FAM20A: variants seen among roughly 807,000 people sequenced by gnomAD.
FAM20A encodes the protein pseudokinase FAM20A.
FAM20A carries 42 observed loss-of-function variants against 52.0 expected under a neutral mutation model. The observed-to-expected ratio is 0.81, with a 90% CI of 0.63 to 1.04. The LOEUF is 1.04. Ranked by LOEUF, FAM20A falls within the 50% of genes least tolerant of loss-of-function variation. FAM20A has a pLI of 0.00. For synonymous variants in FAM20A, 304 were observed against 298.9 expected (o/e 1.02, Z -0.18); for missense variants, 742 against 712.7 (o/e 1.04, Z -0.47).
intron 1 of FAM20A, among the ~76,000 whole-genome samples, chr17:68,581,567 CTCTT>C (rs962757917): frequency 2.5e-5 from 3 of 122,428 alleles, no homozygotes; most frequent in East Asian, 2.4e-4. Context: ...TCCTCTCTCT[CTCTT>C]TCTTTTTTCC....
intron 3 of FAM20A, among the ~76,000 whole-genome samples, chr17:68,552,189 T>C (rs1392911092): frequency 1.3e-5 from 2 of 152,012 alleles, no homozygotes; most frequent in African/African-American, 4.8e-5. Flanking sequence ...GGAGGATCGC[T>C]TGAGCCCAGG....
intron 1 of FAM20A, among the ~76,000 whole-genome samples, chr17:68,597,284 T>C (rs2088480329): frequency 6.6e-6 from 1 of 151,982 alleles, no homozygotes; most frequent in African/African-American, 2.4e-5. Context: ...AGAACACTGA[T>C]TTGGCTTATT....
chr17:68,546,829 CAAA>C (rs35112614), intron 4 of FAM20A, among the ~76,000 whole-genome samples: 3 of 84,008 alleles, frequency 3.6e-5, no homozygotes, highest in South Asian at 4.1e-4. Context: ...GACTACGGCT[CAAA>C]AAAAAAAAAA....
intron 1 of FAM20A, among the ~76,000 whole-genome samples, chr17:68,591,244 G>C (rs972086178): frequency 6.6e-6 from 1 of 152,092 alleles, no homozygotes; most frequent in Non-Finnish European, 1.5e-5. Context: ...GTAGCTGGGC[G>C]CCCGCCGCCA....
intron 1 of FAM20A, among the ~76,000 whole-genome samples, chr17:68,573,664 TTTTC>T (rs780002806): frequency 9.9e-5 from 15 of 151,256 alleles, no homozygotes; most frequent in African/African-American, 1.7e-4. Context: ...TCTTCCTTTC[TTTTC>T]TTTCTTTCTT....
intron 4 of FAM20A, chr17:68,551,308 G>T: frequency 2.4e-6 from 1 of 419,418 alleles, no homozygotes; most frequent in Non-Finnish European, 4.1e-6. Flanking sequence ...ATAAATTAAT[G>T]TAAACATGTA....
intron 4 of FAM20A, among the ~76,000 whole-genome samples, chr17:68,549,160 T>A (rs1159311730): frequency 6.6e-6 from 1 of 152,036 alleles, no homozygotes; most frequent in Non-Finnish European, 1.5e-5. Flanking sequence ...GAACTGAGAG[T>A]GGAGCTCATC....
intron 3 of FAM20A, among the ~76,000 whole-genome samples, chr17:68,552,630 A>G (rs2086886558): frequency 6.6e-6 from 1 of 151,820 alleles, no homozygotes; most frequent in Admixed American, 6.6e-5. Flanking sequence ...TAACTGAAGA[A>G]AAGGGAAGCC....
At chr17:68,545,742 C>T (rs1305069118) in intron 4 of FAM20A, among the ~76,000 whole-genome samples, 2 of 152,192 alleles carry the variant, frequency 1.3e-5, no homozygotes, top group Admixed American at 6.5e-5. Flanking sequence ...CCTCTCAAAC[C>T]CTGCTGCTGC....
At chr17:68,579,924 T>C (rs1257137130) in intron 1 of FAM20A, among the ~76,000 whole-genome samples, 1 of 152,192 alleles carries the variant, frequency 6.6e-6, no homozygotes, top group Non-Finnish European at 1.5e-5. Context: ...AAGTGGACTT[T>C]GGTGAGCAGA....
chr17:68,597,927 G>A (rs1253626872), intron 1 of FAM20A: 2 of 151,644 alleles, frequency 1.3e-5, no homozygotes, highest in Non-Finnish European at 2.9e-5. Flanking sequence ...CTCATTTAAG[G>A]TAATGAGTGA....
chr17:68,572,014 ATATATATATATATATATATATATAT>A, intron 1 of FAM20A, among the ~76,000 whole-genome samples: 1 of 110,596 alleles, frequency 9.0e-6, no homozygotes, highest in African/African-American at 3.8e-5. Context: ...ATATATATAT[ATATATATATATATATATATATATAT>A]ATGTAGCAGG....
Position 68,546,406 on chromosome 17 carries a change from G to A in FAM20A, c.720-2685C>T, listed in dbSNP as rs372383168. Among the ~76,000 whole-genome samples, 8 of 151,884 alleles carry A rather than the reference G, an allele frequency of 5.3e-5. No individual in the cohort carries two copies. The East Asian group carries it at 5.8e-4, about 11-fold the overall frequency. ...TGTTGATATTTTTACCTCCTTCCAC[G>A]CATCACAAATTTTCTTAATGGCATC... On this transcript the variant is annotated intron_variant, in intron 4 of 10. Coordinates refer to ENST00000592554, the MANE Select transcript of FAM20A (RefSeq NM_017565.4).
intron 1 of FAM20A, among the ~76,000 whole-genome samples, chr17:68,579,306 A>G (rs2087875530): frequency 6.6e-6 from 1 of 152,024 alleles, no homozygotes; most frequent in Non-Finnish European, 1.5e-5. Context: ...CAACAGTGCC[A>G]CCCACCTGCA....
chr17:68,537,706 A>G lies in FAM20A; in HGVS notation c.1397T>C (p.Leu466Pro), dbSNP rs777626642. 2 of 1,613,580 alleles carry G rather than the reference A, an allele frequency of 1.2e-6. No individual in the cohort carries two copies. Among genetic ancestry groups the G allele is most frequent in the South Asian group, 2.2e-5 (2 of 90,888 alleles). Residue 466 changes from leucine to proline, a missense_variant, in exon 11 of 11, where the codon CTG (leucine) becomes CCG (proline). Transcript: ENST00000592554. This position sits in a 1 kb window ranked among gnomAD's most constrained non-coding sequence, Gnocchi z 4.2. ...KKKTLLHLQLLAQADYRLSDV... is the reference protein window; with the variant it reads ...KKKTLLHLQLPAQADYRLSDV... ...GCTGAGTCTGTAGTCAGCTTGGGCC[A>G]GCAGCTGCAGGTGCAAAAGTGTTTT...
chr17:68,578,759 C>A (rs1370299153), intron 1 of FAM20A, among the ~76,000 whole-genome samples: 1 of 146,768 alleles, frequency 6.8e-6, no homozygotes, highest in Non-Finnish European at 1.5e-5. Context: ...TTTGGGAGGC[C>A]GAGGCAGGCG....
chr17:68,551,288 T>G (rs949464911), intron 4 of FAM20A: 2 of 447,474 alleles, frequency 4.5e-6, no homozygotes, highest in South Asian at 2.4e-4. Flanking sequence ...GCTGTTGTTA[T>G]GAATAAAATA....
chr17:68,542,547 T>C, intron 6 of FAM20A, 147 bp downstream of exon 6: 1 of 718,806 alleles, frequency 1.4e-6, no homozygotes, highest in South Asian at 1.5e-5. Context: ...AGGCAGACCA[T>C]GGTGGGAGTG....
In FAM20A at chr17:68,590,754, C is replaced by T. The variant is rs151057233; in HGVS notation, c.404+9509G>A. Among the ~76,000 whole-genome samples, 85 of 152,292 alleles carry T rather than the reference C, an allele frequency of 5.6e-4. 1 individual carries two copies. The highest frequency in any genetic ancestry group is 3.4e-3 in the Middle Eastern group (1 of 294). ...CATGTTAGTCACTAAAGCCCCTCCA[C>T]CACCCTGTCAGTCTGCATTTCCATC... On this transcript the variant is annotated intron_variant, in intron 1 of 10. Transcript: ENST00000592554.
Sources: allele counts gnomAD v4.1 joint callset (sites outside exome capture counted in the v4.1 genomes callset), GRCh38; gene constraint gnomAD v4.1.1; non-coding constraint Gnocchi (gnomAD v3.1); transcripts MANE v1.5; gene names NCBI Gene and HGNC (gene_info 2026-07-23, HGNC 2026-07-21).